Variants in PSMD5 observed in about 807,000 individuals in gnomAD.
The protein encoded by PSMD5 is 26S proteasome non-ATPase regulatory subunit 5.
Under a neutral mutation model 52.1 loss-of-function variants are expected in PSMD5, and 40 were observed. The ratio of observed to expected loss-of-function variants is 0.77; its 90% CI spans 0.60 to 1.00. The LOEUF (loss-of-function observed/expected upper bound fraction) is 1.00, where lower values mean the gene tolerates loss of function less well. Ranked by LOEUF, PSMD5 falls within the 50% of genes least tolerant of loss-of-function variation. The pLI is 0.00. For missense variants in PSMD5, 575 were observed against 605.2 expected (o/e 0.95, Z 0.52); for synonymous variants, 211 against 226.6 (o/e 0.93, Z 0.62).
At chr9:120,820,800 G>A (rs147527159) in intron 9 of PSMD5, 39 bp downstream of exon 9, 16,021 of 1,516,654 alleles carry the variant, frequency 0.011, 111 homozygotes, top group Non-Finnish European at 0.011. Context: ...GTGTTGAGCT[G>A]GCAGGGTCCC....
intron 5 of PSMD5, among the ~76,000 whole-genome samples, chr9:120,828,872 G>C (rs2045141382): frequency 6.6e-6 from 1 of 152,210 alleles, no homozygotes; most frequent in African/African-American, 2.4e-5. Context: ...ACATGGAACA[G>C]AGTCACTTGA....
In PSMD5 at chr9:120,826,771, G is replaced by C. The variant is rs1469780149; in HGVS notation, c.808C>G (p.Leu270Val). Residue 270 changes from leucine to valine, a missense_variant, in exon 6 of 10, where the codon CTG becomes GTG. Transcript: ENST00000210313. ...ADSDPFSSFY[L>V]PGFVKFFGNL... is the part of the protein sequence containing the mutation. ...AGGCATCAGTGTTCCTTACCTGGCA[G>C]ATAGAAGCTAGAGAAAGGGTCTGAA... 2 of 1,613,548 alleles carry C rather than the reference G, an allele frequency of 1.2e-6. No individual in the cohort carries two copies. Among genetic ancestry groups the C allele is most frequent in the Non-Finnish European group, 1.7e-6 (2 of 1,179,666 alleles).
rs377476205 is a variant in PSMD5 at position 120,821,371 on chromosome 9, G to A, written c.1100C>T (p.Ser367Phe). The A allele has an allele frequency of 2.0e-5, 32 of 1,593,816 alleles. No individual in the cohort carries two copies. The African/African-American group carries it at 4.2e-4, about 21-fold the overall frequency. ...LKIRCLDAISSLLYLPPEQQT... is the reference protein window; with the variant it reads ...LKIRCLDAISFLLYLPPEQQT... ...CCTACTTACTGGTAAGTACAGAAGAGATGAAATTGCATCCAAACATCTAAT... is the reference window on the plus strand; with the variant it reads ...CCTACTTACTGGTAAGTACAGAAGAAATGAAATTGCATCCAAACATCTAAT... Residue 367 changes from serine to phenylalanine, a missense_variant, in exon 8 of 10, where the codon TCT becomes TTT. Ser to Phe is a radical substitution (Grantham distance 155). Transcript: ENST00000210313.
chr9:120,831,545 A>C, intron 3 of PSMD5, 86 bp from the exon 4 acceptor site: 6 of 1,407,088 alleles, frequency 4.3e-6, no homozygotes, highest in Non-Finnish European at 5.7e-6. Context: ...TAGTGCATGG[A>C]ATGCACCTTG....
intron 6 of PSMD5, 196 bp downstream of exon 6, chr9:120,826,569 T>A: frequency 1.7e-6 from 1 of 583,364 alleles, no homozygotes; most frequent in Non-Finnish European, 2.9e-6. Flanking sequence ...TTCATCAGGG[T>A]GGATGACCCT....
At position 120,842,641 on chromosome 9, in the gene PSMD5, G is replaced by A; in HGVS notation, c.173+96C>T. The stretch of plus-strand genomic sequence containing the variant: ...ATTTCGGCTACTTTCCACCTCCCCT[G>A]TGACTGGGAAAAGCGCTGTTCTTGC... On this transcript the variant is annotated intron_variant, in intron 1 of 9. Transcript: ENST00000210313. 3 of 1,467,756 alleles carry A rather than the reference G, an allele frequency of 2.0e-6. No individual in the cohort carries two copies. In the South Asian group the frequency reaches 3.7e-5, roughly 18 times the overall value. The allele number at this position is 1,467,756 out of a possible 1,614,324, so 90.9% of individuals were successfully genotyped here. A position where few individuals can be genotyped will look rare whatever the true frequency, so the allele number is the denominator to read the frequency against.
intron 7 of PSMD5, among the ~76,000 whole-genome samples, chr9:120,823,820 A>C (rs1205825046): frequency 1.2e-4 from 19 of 152,118 alleles, no homozygotes; most frequent in Non-Finnish European, 1.5e-5. Context: ...TAACATGCCA[A>C]AAGTATCTCT....
chr9:120,822,021 T>G (rs2045089085), intron 7 of PSMD5, among the ~76,000 whole-genome samples: 1 of 152,224 alleles, frequency 6.6e-6, no homozygotes, highest in African/African-American at 2.4e-5. Context: ...CAATTTTTTT[T>G]GGTATATACC....
At chr9:120,826,703 G>A (rs2045124115) in intron 6 of PSMD5, 62 bp downstream of exon 6, 2 of 1,544,980 alleles carry the variant, frequency 1.3e-6, no homozygotes, top group African/African-American at 2.7e-5. Flanking sequence ...ACCCCCTGAT[G>A]TCAGAGATAA....
At chr9:120,824,768 A>G in intron 6 of PSMD5, 83 bp from the exon 7 acceptor site, 1 of 1,176,374 alleles carries the variant, frequency 8.5e-7, no homozygotes, top group Non-Finnish European at 1.2e-6. Context: ...AGGAACAGAA[A>G]TGAACTGCAG....
chr9:120,833,350 G>T lies in PSMD5; in HGVS notation c.280C>A (p.His94Asn). ...AGGATTTTTACAGAATCATCAGGGTGAATTAGTCCCCTCTGCAGGTCAACC... is the reference window on the plus strand; with the variant it reads ...AGGATTTTTACAGAATCATCAGGGTTAATTAGTCCCCTCTGCAGGTCAACC... Reference protein sequence around the residue: ...LRVDLQRGLIHPDDSVKILTL... With the variant: ...LRVDLQRGLINPDDSVKILTL... Residue 94 changes from histidine to asparagine, a missense_variant, in exon 2 of 10, where the codon CAC becomes AAC. Transcript: ENST00000210313. The T allele has an allele frequency of 6.2e-7, 1 of 1,613,962 alleles. No homozygotes were observed. Among genetic ancestry groups the T allele is most frequent in the Non-Finnish European group, 8.5e-7 (1 of 1,179,954 alleles).
At chr9:120,830,029 T>C (rs2045149317) in intron 4 of PSMD5, among the ~76,000 whole-genome samples, 1 of 152,196 alleles carries the variant, frequency 6.6e-6, no homozygotes, top group Non-Finnish European at 1.5e-5. Context: ...CCAGTTTGGA[T>C]GCAAATATAG....
chr9:120,821,610 A>G, intron 7 of PSMD5, 146 bp from the exon 8 acceptor site: 1 of 480,014 alleles, frequency 2.1e-6, no homozygotes, highest in Non-Finnish European at 3.5e-6. Flanking sequence ...ATCCATCTCT[A>G]GAACTTTTTC....
intron 4 of PSMD5, among the ~76,000 whole-genome samples, chr9:120,829,975 C>T (rs968718973): frequency 1.3e-5 from 2 of 152,142 alleles, no homozygotes; most frequent in Non-Finnish European, 2.9e-5. Context: ...ATTCTGACTG[C>T]ATGAGAAGAT....
rs1455481423 is a variant in PSMD5 at position 120,817,325 on chromosome 9, C to CA, written c.*580dup. 1 of 152,280 alleles carries CA rather than the reference C, an allele frequency of 6.6e-6. No homozygotes were observed. The highest frequency in any genetic ancestry group is 1.5e-5 in the Non-Finnish European group (1 of 68,120). The allele number at this position is 152,280 out of a possible 1,614,324, so 9.4% of individuals were successfully genotyped here. A position where few individuals can be genotyped will look rare whatever the true frequency, so the allele number is the denominator to read the frequency against. On this transcript the variant is annotated 3_prime_UTR_variant, in exon 10 of 10. Transcript: ENST00000210313. ...TTGCTGTGTTGCCCAGGCTGGTGTG[C>CA]AGTGGCAAGATCTCAGCTCACTGCA...
chr9:120,824,746 CTA>C (rs1243787383), intron 6 of PSMD5, 61 bp from the exon 7 acceptor site: 2 of 1,389,692 alleles, frequency 1.4e-6, no homozygotes, highest in African/African-American at 1.5e-5. Context: ...ATTGCGGGCT[CTA>C]TGACTTCACA....
chr9:120,821,742 G>A (rs999088985), intron 7 of PSMD5, among the ~76,000 whole-genome samples: 1 of 152,182 alleles, frequency 6.6e-6, no homozygotes, highest in South Asian at 2.1e-4. Flanking sequence ...TCTCATCTAA[G>A]TGGAATCATA....
intron 6 of PSMD5, among the ~76,000 whole-genome samples, chr9:120,826,363 C>T (rs113435266): frequency 3.9e-5 from 6 of 152,238 alleles, no homozygotes; most frequent in African/African-American, 1.4e-4. Context: ...GTTTGTCATA[C>T]ATGGCCTTTA....
Position 120,842,742 on chromosome 9 carries a change from G to A in PSMD5, c.168C>T (p.Asn56=). The change falls in exon 1 of 10, where the codon AAC becomes AAT. Residue 56 remains asparagine, a synonymous_variant. Transcript: ENST00000210313. The part of the protein sequence containing the change: ...LGPLFSLLNE[N]HREKTTLCVS... ...AGCCCCCGGGGTCCTCTCACCTATG[G>A]TTCTCGTTAAGCAGGGAGAAGAGCG... 1 of 1,613,356 alleles carries A rather than the reference G, an allele frequency of 6.2e-7. No homozygotes were observed. Among genetic ancestry groups the A allele is most frequent in the Non-Finnish European group, 8.5e-7 (1 of 1,180,030 alleles).
Sources: gnomAD v4.1 joint callset for allele counts (sites outside exome capture counted in the v4.1 genomes callset) on GRCh38, gnomAD v4.1.1 for gene constraint, MANE v1.5 for transcripts, NCBI Gene and HGNC (gene_info 2026-07-23, HGNC 2026-07-21) for gene names.